ATRX: variants seen among roughly 807,000 people sequenced by gnomAD.
The protein encoded by ATRX is ATRX chromatin remodeler, also known as chromatin remodeler ATRX.
ATRX carries 12 observed loss-of-function variants against 172.6 expected under a neutral mutation model. That is an observed-to-expected ratio of 0.07 (90% CI 0.04 to 0.11). The LOEUF is 0.11. ATRX is among the 10% of genes least tolerant of loss of function. ATRX has a pLI of 1.00. For missense variants in ATRX, 1,368 were observed against 1,767.4 expected (o/e 0.77, Z 4.05); for synonymous variants, 674 against 594.7 (o/e 1.13, Z -1.94).
intron 22 of ATRX, among the ~76,000 whole-genome samples, chrX:77,609,718 C>A (rs969225379): frequency 2.7e-5 from 3 of 111,705 alleles, no homozygotes; most frequent in Non-Finnish European, 3.8e-5. Flanking sequence ...CTTAAGCCAT[C>A]CACCTGCCCT....
At position 77,681,504 on chromosome X, in the gene ATRX, A is replaced by T. The variant is rs782141248; in HGVS notation, c.3736+16T>A. ...GGGAAGTACAAATTATGAATTTTTTATTTATTTTTGCATACCTGAAGATTG... is the reference window on the plus strand; with the variant it reads ...GGGAAGTACAAATTATGAATTTTTTTTTTATTTTTGCATACCTGAAGATTG... On this transcript the variant is annotated intron_variant, in intron 9 of 34. Transcript: ENST00000373344. 3 of 1,201,555 alleles carry T rather than the reference A, an allele frequency of 2.5e-6. No homozygotes were observed. The highest frequency in any genetic ancestry group is 2.2e-5 in the Admixed American group (1 of 45,834).
intron 15 of ATRX, among the ~76,000 whole-genome samples, chrX:77,639,871 A>G (rs2068567388): frequency 8.9e-6 from 1 of 112,486 alleles, no homozygotes; most frequent in Admixed American, 9.4e-5. Flanking sequence ...TCCAAAAAAG[A>G]CACAAGTACT....
At chrX:77,588,264 A>G (rs2066105747) in intron 27 of ATRX, among the ~76,000 whole-genome samples, 3 of 112,360 alleles carry the variant, frequency 2.7e-5, no homozygotes, top group African/African-American at 9.7e-5. Flanking sequence ...CATATCATGC[A>G]TAAAAATTAA....
At chrX:77,688,355 A>G (rs1052650876) in intron 7 of ATRX, among the ~76,000 whole-genome samples, 6 of 112,390 alleles carry the variant, frequency 5.3e-5, no homozygotes, top group Non-Finnish European at 1.9e-5. Flanking sequence ...TCTCCAAGTT[A>G]TGTCAAAACC....
rs180983978 is a variant in ATRX at position 77,733,393 on chromosome X, C to T, written c.21-16150G>A. ...AAACTGGAAGAATCACATTATCAGA[C>T]TTCAAATTATACCACAGAGTTATAG... On this transcript the variant is annotated intron_variant, in intron 1 of 34. Coordinates refer to ENST00000373344, the MANE Select transcript of ATRX (RefSeq NM_000489.6). Among the ~76,000 whole-genome samples, 4 of 111,236 alleles carry T rather than the reference C, an allele frequency of 3.6e-5. No homozygotes were observed. The Admixed American group carries it at 3.9e-4, about 11-fold the overall frequency.
intron 2 of ATRX, among the ~76,000 whole-genome samples, chrX:77,702,662 G>C (rs2072596919): frequency 9.0e-6 from 1 of 110,707 alleles, no homozygotes; most frequent in Non-Finnish European, 1.9e-5. Flanking sequence ...ATTATAAAAC[G>C]CTATTGAAAG....
chrX:77,556,889 G>A (rs2064829277), intron 30 of ATRX, among the ~76,000 whole-genome samples: 1 of 111,829 alleles, frequency 8.9e-6, no homozygotes, highest in South Asian at 3.8e-4. Context: ...ACAATATGGT[G>A]TGTAAACTTG....
intron 27 of ATRX, among the ~76,000 whole-genome samples, chrX:77,579,351 G>A (rs1245246400): frequency 5.4e-5 from 6 of 112,056 alleles, no homozygotes; most frequent in Middle Eastern, 4.2e-3. Flanking sequence ...CCATTGCTCT[G>A]CTGGCTTAAG....
At chrX:77,647,553 T>C (rs1479623109) in intron 15 of ATRX, among the ~76,000 whole-genome samples, 1 of 112,085 alleles carries the variant, frequency 8.9e-6, no homozygotes, top group East Asian at 2.8e-4. Context: ...TCTCTCCATA[T>C]ATTTACAAAT....
At chrX:77,614,420 G>A (rs1409290000) in intron 22 of ATRX, among the ~76,000 whole-genome samples, 1 of 111,527 alleles carries the variant, frequency 9.0e-6, no homozygotes, top group Non-Finnish European at 1.9e-5. Context: ...AAAGATTCAC[G>A]GTACCAGGTG....
intron 1 of ATRX, among the ~76,000 whole-genome samples, chrX:77,761,415 T>G (rs1289932543): frequency 2.7e-5 from 3 of 110,366 alleles, no homozygotes; most frequent in African/African-American, 6.6e-5. Context: ...CATACACCTG[T>G]AGTCCCAGCT....
chrX:77,565,853 C>CA (rs782097602), intron 28 of ATRX, among the ~76,000 whole-genome samples: 1,327 of 83,431 alleles, frequency 0.016, 8 homozygotes, highest in Non-Finnish European at 0.021. Flanking sequence ...GACCCTGTCT[C>CA]AAAAAAAAAA....
chrX:77,619,739 A>G (rs192032733), intron 20 of ATRX, among the ~76,000 whole-genome samples: 86 of 111,992 alleles, frequency 7.7e-4, no homozygotes, highest in African/African-American at 2.7e-3. Flanking sequence ...CCATAAATAC[A>G]CTAAAGGAAT....
At chrX:77,685,999 G>T (rs1427869516) in intron 7 of ATRX, among the ~76,000 whole-genome samples, 6 of 111,292 alleles carry the variant, frequency 5.4e-5, no homozygotes, top group African/African-American at 2.0e-4. Flanking sequence ...CAAAACAATT[G>T]AACTCATGGA....
At chrX:77,543,629 T>TA (rs2064108159) in intron 30 of ATRX, among the ~76,000 whole-genome samples, 1 of 111,563 alleles carries the variant, frequency 9.0e-6, no homozygotes, top group Non-Finnish European at 1.9e-5. Flanking sequence ...TATGCGGCCA[T>TA]AAAAAAGAAC....
At chrX:77,723,204 A>C (rs1452360129) in intron 1 of ATRX, among the ~76,000 whole-genome samples, 1 of 111,190 alleles carries the variant, frequency 9.0e-6, no homozygotes, top group Non-Finnish European at 1.9e-5. Flanking sequence ...TGGGGGAGGG[A>C]TAGCATTAGG....
At chrX:77,775,348 A>C (rs1165716082) in intron 1 of ATRX, among the ~76,000 whole-genome samples, 1 of 111,631 alleles carries the variant, frequency 9.0e-6, no homozygotes, top group African/African-American at 3.3e-5. Flanking sequence ...TATCTCCCTA[A>C]AGATAGATCG....
rs797044495 is a variant in ATRX at position 77,523,348 on chromosome X, G to A, written c.6753C>T (p.Tyr2251=). ...LQIHKEHIVG[Y]HEHDSLLDHK... ...GGTCCAAAAGAGAATCATGTTCATGGTATCCTACAATGTGTTCTTTATGTA... is the reference window on the plus strand; with the variant it reads ...GGTCCAAAAGAGAATCATGTTCATGATATCCTACAATGTGTTCTTTATGTA... Residue 2251 remains tyrosine, a synonymous_variant, in exon 31 of 35, where the codon TAC becomes TAT. Coordinates refer to ENST00000373344, the MANE Select transcript of ATRX (RefSeq NM_000489.6). 8.3e-7 allele frequency: 1 copy of A among 1,208,682 alleles called. No individual in the cohort carries two copies. The highest frequency in any genetic ancestry group is 1.1e-6 in the Non-Finnish European group (1 of 893,208).
intron 19 of ATRX, among the ~76,000 whole-genome samples, chrX:77,623,063 C>T (rs1275614694): frequency 2.7e-5 from 3 of 110,556 alleles, no homozygotes; most frequent in African/African-American, 9.9e-5. Flanking sequence ...CAGAGCAGTA[C>T]TAAATGAAAT....
Sources: allele counts gnomAD v4.1 joint callset (sites outside exome capture counted in the v4.1 genomes callset), GRCh38; gene constraint gnomAD v4.1.1; transcripts MANE v1.5; gene names NCBI Gene and HGNC (gene_info 2026-07-23, HGNC 2026-07-21).